The following CAPSL variants were observed in gnomAD, a reference collection of about 807,000 sequenced individuals.
The protein encoded by CAPSL is calcyphosine like.
Under a neutral mutation model 21.3 loss-of-function variants are expected in CAPSL, and 17 were observed. The ratio of observed to expected loss-of-function variants is 0.80; its 90% CI spans 0.55 to 1.20. CAPSL has a LOEUF of 1.20. Among genes scored for constraint, CAPSL ranks in the 50% most tolerant of loss-of-function variants. The pLI, the probability that CAPSL is intolerant of heterozygous loss-of-function variation, is 0.00. For missense variants in CAPSL, 289 were observed against 259.3 expected, an observed-to-expected ratio of 1.11 and a Z score of -0.79; for synonymous variants, 102 against 89.3, an observed-to-expected ratio of 1.14 and a Z score of -0.80.
intron 1 of CAPSL, among the ~76,000 whole-genome samples, chr5:35,929,139 T>C (rs1045025778): frequency 1.1e-4 from 16 of 152,106 alleles, no homozygotes; most frequent in Non-Finnish European, 1.6e-4. Context: ...TTTACATATA[T>C]CCACACATTG....
intron 2 of CAPSL, among the ~76,000 whole-genome samples, chr5:35,920,271 C>G (rs1245850897): frequency 2.6e-5 from 4 of 152,208 alleles, no homozygotes; most frequent in Non-Finnish European, 5.9e-5. Flanking sequence ...TTAGATCACT[C>G]ATATTGTCCA....
rs930829852 is a variant in CAPSL at position 35,913,051 on chromosome 5, C to G, written c.138-2508G>C. ...GCTGAAAACCATGACAAGAGAACTA[C>G]GTGATGAATGCACAAGCCTCAGTAG... On this transcript the variant is annotated intron_variant, in intron 2 of 4. Coordinates refer to ENST00000651391, the MANE Select transcript of CAPSL (RefSeq NM_001042625.2). 7.9e-4 allele frequency among the ~76,000 whole-genome samples: 120 copies of G among 152,124 alleles called. 3 individuals carry two copies. Among genetic ancestry groups the G allele is most frequent in the Non-Finnish European group, 2.4e-4 (16 of 68,024 alleles).
At chr5:35,915,238 A>G (rs1489005777) in intron 2 of CAPSL, among the ~76,000 whole-genome samples, 1 of 152,222 alleles carries the variant, frequency 6.6e-6, no homozygotes. Flanking sequence ...AACCAAAAAC[A>G]GTCCAGGACC....
Position 35,920,964 on chromosome 5 carries a change from CACT to C in CAPSL, c.137+17_137+19del. Reference sequence around the variant, plus strand: ...CATTCCTTCCCGCTCCATTCCCTGCCACTTGTAGCTGGGTCCTACCTGCCAAGT... The same window carrying C: ...CATTCCTTCCCGCTCCATTCCCTGCCTGTAGCTGGGTCCTACCTGCCAAGT... On this transcript the variant is annotated intron_variant, in intron 2 of 4. Transcript: ENST00000651391. 6.2e-7 allele frequency: 1 copy of C among 1,611,728 alleles called. No homozygotes were observed. The highest frequency in any genetic ancestry group is 8.5e-7 in the Non-Finnish European group (1 of 1,179,024).
chr5:35,909,576 T>C (rs1229090161), intron 4 of CAPSL, among the ~76,000 whole-genome samples: 2 of 152,178 alleles, frequency 1.3e-5, no homozygotes. Context: ...AATCAGAACA[T>C]CACATTCCCC....
At chr5:35,933,313 A>G (rs1490824515) in intron 1 of CAPSL, among the ~76,000 whole-genome samples, 1 of 152,212 alleles carries the variant, frequency 6.6e-6, no homozygotes, top group Admixed American at 6.5e-5. Context: ...AGTCTTGATA[A>G]CAATTCTTAT....
chr5:35,932,178 G>T (rs1356261281), intron 1 of CAPSL, among the ~76,000 whole-genome samples: 4 of 152,078 alleles, frequency 2.6e-5, no homozygotes, highest in African/African-American at 9.7e-5. Context: ...ATGTCATAGT[G>T]CCAACATCAG....
chr5:35,927,086 TC>T (rs1172705408), intron 1 of CAPSL, among the ~76,000 whole-genome samples: 1 of 152,096 alleles, frequency 6.6e-6, no homozygotes, highest in East Asian at 1.9e-4. Flanking sequence ...AAAGGAGGCT[TC>T]CCCGCTGGCA....
intron 1 of CAPSL, among the ~76,000 whole-genome samples, chr5:35,928,648 C>T (rs1022212563): frequency 6.6e-6 from 1 of 152,082 alleles, no homozygotes; most frequent in Non-Finnish European, 1.5e-5. Context: ...TTTGATAATG[C>T]CTCCTGTGAG....
chr5:35,928,409 C>CT (rs1215060850), intron 1 of CAPSL, among the ~76,000 whole-genome samples: 1 of 152,138 alleles, frequency 6.6e-6, no homozygotes, highest in African/African-American at 2.4e-5. Flanking sequence ...ATTGAAGACT[C>CT]TGACAGTTTG....
chr5:35,937,268 C>G (rs1299364255), intron 1 of CAPSL, among the ~76,000 whole-genome samples: 1 of 152,128 alleles, frequency 6.6e-6, no homozygotes, highest in East Asian at 1.9e-4. Context: ...AGTTTAAGAC[C>G]CTTTGATGGT....
At chr5:35,909,757 T>C (rs1303978512) in intron 4 of CAPSL, 109 bp downstream of exon 4, 1 of 933,398 alleles carries the variant, frequency 1.1e-6, no homozygotes, top group Non-Finnish European at 1.6e-6. Context: ...TACTTCTATT[T>C]ACAACAAATA....
In CAPSL at chr5:35,931,472, A is replaced by T. The variant is rs115816151; in HGVS notation, c.-1+7069T>A. Among the ~76,000 whole-genome samples the T allele has an allele frequency of 6.5e-3, 987 of 151,460 alleles. 14 individuals are homozygous for T. Among genetic ancestry groups the T allele is most frequent in the African/African-American group, 0.022 (924 of 41,276 alleles). On this transcript the variant is annotated intron_variant, in intron 1 of 4. Transcript: ENST00000651391. ...AAAAACAAGGTTTAATAAAATACAG[A>T]GGCCCCAAGGTTGTAGGGTCCTTGT...
chr5:35,927,307 C>A (rs1421157269), intron 1 of CAPSL, among the ~76,000 whole-genome samples: 2 of 152,168 alleles, frequency 1.3e-5, no homozygotes, highest in Admixed American at 1.3e-4. Context: ...TTCCCCATAG[C>A]CAGACCATGT....
chr5:35,911,329 A>C (rs908904373), intron 2 of CAPSL, among the ~76,000 whole-genome samples: 2 of 152,244 alleles, frequency 1.3e-5, no homozygotes, highest in Non-Finnish European at 2.9e-5. Context: ...GAAGTCTGAC[A>C]AATACTACCT....
intron 2 of CAPSL, among the ~76,000 whole-genome samples, chr5:35,920,448 TA>T (rs1329568665): frequency 6.6e-6 from 1 of 152,066 alleles, no homozygotes; most frequent in Non-Finnish European, 1.5e-5. Flanking sequence ...TCTCAGTCCT[TA>T]AAACTATTCA....
At chr5:35,917,011 A>T (rs1203911525) in intron 2 of CAPSL, among the ~76,000 whole-genome samples, 1 of 152,180 alleles carries the variant, frequency 6.6e-6, no homozygotes, top group Non-Finnish European at 1.5e-5. Context: ...ACTCAAACAA[A>T]TTTACAAGAA....
At chr5:35,929,386 G>T (rs980265941) in intron 1 of CAPSL, among the ~76,000 whole-genome samples, 2 of 150,208 alleles carry the variant, frequency 1.3e-5, no homozygotes, top group African/African-American at 4.9e-5. Context: ...TCCGCCTCCC[G>T]GGTTCAAGCA....
In CAPSL at chr5:35,919,123, T is replaced by C. The variant is rs139673460; in HGVS notation, c.137+1861A>G. Among the ~76,000 whole-genome samples, 693 of 146,254 alleles carry C rather than the reference T, an allele frequency of 4.7e-3. 8 individuals carry two copies. Among genetic ancestry groups the C allele is most frequent in the African/African-American group, 0.016 (649 of 39,874 alleles). On this transcript the variant is annotated intron_variant, in intron 2 of 4. Transcript: ENST00000651391. ...TGGATTGGATACTAAGTCAACTATA[T>C]AGAGATATTCACTGGTTAGCTAGTA...
Sources: allele counts gnomAD v4.1 joint callset (sites outside exome capture counted in the v4.1 genomes callset), GRCh38; gene constraint gnomAD v4.1.1; transcripts MANE v1.5; gene names NCBI Gene and HGNC (gene_info 2026-07-23, HGNC 2026-07-21).